GPC5: variants seen among roughly 807,000 people sequenced by gnomAD.
GPC5 encodes the protein glypican 5, also known as glypican-5.
GPC5 carries 47 observed loss-of-function variants against 53.9 expected under a neutral mutation model. The observed-to-expected ratio is 0.87, with a 90% CI of 0.69 to 1.11. GPC5 has a LOEUF of 1.11. Among genes scored for constraint, GPC5 ranks in the 50% most tolerant of loss-of-function variants. The probability of loss-of-function intolerance (pLI) is 0.00; values close to 1 mark genes in which losing one functional copy is unlikely to be tolerated. For missense variants in GPC5, 748 were observed against 713.1 expected (o/e 1.05, Z -0.56); for synonymous variants, 286 against 263.3 (o/e 1.09, Z -0.84).
intron 7 of GPC5, among the ~76,000 whole-genome samples, chr13:92,468,376 T>C (rs1566603513): frequency 6.6e-6 from 1 of 152,132 alleles, no homozygotes; most frequent in Non-Finnish European, 1.5e-5. Context: ...TGTTCTTGGT[T>C]GTTTGGAATG....
At chr13:91,643,325 G>A (rs1218472889) in intron 2 of GPC5, among the ~76,000 whole-genome samples, 1 of 152,104 alleles carries the variant, frequency 6.6e-6, no homozygotes, top group Non-Finnish European at 1.5e-5. Context: ...AGAAGATGTA[G>A]TCAAAGACTA....
chr13:91,408,667 T>A (rs917328790), intron 1 of GPC5, among the ~76,000 whole-genome samples: 2 of 152,188 alleles, frequency 1.3e-5, no homozygotes, highest in Non-Finnish European at 2.9e-5. Context: ...AACTTAAATA[T>A]GTTTCAAATG....
chr13:92,178,948 G>A lies in GPC5; in HGVS notation c.1561+33959G>A, dbSNP rs149710054. On this transcript the variant is annotated intron_variant, in intron 7 of 7. Transcript: ENST00000377067. The stretch of plus-strand genomic sequence containing the variant: ...ATTGCACCTCTGTACTCCAGACTGG[G>A]TGACAGAGCGGGACCCTGTCTCAAA... 1.8e-4 allele frequency among the ~76,000 whole-genome samples: 28 copies of A among 152,242 alleles called. No individual in the cohort carries two copies. The East Asian group carries it at 5.0e-3, about 27-fold the overall frequency.
At chr13:92,753,948 G>A (rs1203960549) in intron 7 of GPC5, among the ~76,000 whole-genome samples, 1 of 151,662 alleles carries the variant, frequency 6.6e-6, no homozygotes. Flanking sequence ...TAGCAAGCAG[G>A]CCAACGTTCA....
At chr13:92,825,027 T>C (rs537026101) in intron 7 of GPC5, among the ~76,000 whole-genome samples, 1 of 152,268 alleles carries the variant, frequency 6.6e-6, no homozygotes, top group South Asian at 2.1e-4. Flanking sequence ...TCAGACAGAC[T>C]GTATAATTTA....
At chr13:91,403,144 G>A (rs977728531) in intron 1 of GPC5, among the ~76,000 whole-genome samples, 1 of 152,204 alleles carries the variant, frequency 6.6e-6, no homozygotes, top group Non-Finnish European at 1.5e-5. Context: ...GTGTTTGTGG[G>A]GATCAAATTT....
At chr13:92,743,403 T>C (rs1403722097) in intron 7 of GPC5, among the ~76,000 whole-genome samples, 1 of 152,164 alleles carries the variant, frequency 6.6e-6, no homozygotes, top group Non-Finnish European at 1.5e-5. Context: ...TATTGGTGTA[T>C]TAGAATGCTT....
At chr13:91,731,581 G>T (rs1421709002) in intron 4 of GPC5, among the ~76,000 whole-genome samples, 2 of 151,952 alleles carry the variant, frequency 1.3e-5, no homozygotes, top group Non-Finnish European at 1.5e-5. Flanking sequence ...TTTGTTAAAT[G>T]GGTGTATGTG....
chr13:92,132,004 A>C (rs2041747953), intron 6 of GPC5, among the ~76,000 whole-genome samples: 1 of 152,142 alleles, frequency 6.6e-6, no homozygotes, highest in African/African-American at 2.4e-5. Flanking sequence ...CATACACTCA[A>C]AACAGTTCAA....
chr13:92,197,573 T>C (rs2139055620), intron 7 of GPC5, among the ~76,000 whole-genome samples: 1 of 152,204 alleles, frequency 6.6e-6, no homozygotes, highest in East Asian at 1.9e-4. Context: ...CCTCAGCTCA[T>C]GGCAGCCTCA....
intron 7 of GPC5, among the ~76,000 whole-genome samples, chr13:92,149,273 C>T (rs375184940): frequency 6.6e-6 from 1 of 152,078 alleles, no homozygotes; most frequent in South Asian, 2.1e-4. Context: ...CTTACTGAAT[C>T]GTAATTATGA....
At chr13:91,521,625 A>T (rs924392766) in intron 2 of GPC5, among the ~76,000 whole-genome samples, 5 of 152,070 alleles carry the variant, frequency 3.3e-5, no homozygotes, top group African/African-American at 1.2e-4. Flanking sequence ...ATTTTTTTCT[A>T]TTCTTTCATT....
At chr13:92,844,375 TG>T (rs1566442239) in intron 7 of GPC5, among the ~76,000 whole-genome samples, 1 of 152,092 alleles carries the variant, frequency 6.6e-6, no homozygotes, top group East Asian at 1.9e-4. Flanking sequence ...AAAACAAGCA[TG>T]GGAATAAACC....
intron 2 of GPC5, among the ~76,000 whole-genome samples, chr13:91,587,204 T>TTA (rs1288139226): frequency 6.6e-6 from 1 of 152,182 alleles, no homozygotes; most frequent in Non-Finnish European, 1.5e-5. Flanking sequence ...TTTAGGCTAT[T>TTA]TATAGTGTTA....
rs1361023384 is a variant in GPC5, at chr13:91,468,879, T to TTC, written c.325+19958_325+19959insCT. ...TTCGTAGCTAAGATAATGGTCTTTT[T>TTC]TTTTTTTTTTTTAAATGAGACAGGG... is the stretch of plus-strand genomic sequence containing the variant. On this transcript the variant is annotated intron_variant, in intron 2 of 7. Coordinates refer to ENST00000377067, the MANE Select transcript of GPC5 (RefSeq NM_004466.6). 4.0e-5 allele frequency among the ~76,000 whole-genome samples: 6 copies of TTC among 151,152 alleles called. No individual in the cohort carries two copies. In the East Asian group the frequency reaches 9.7e-4, roughly 24 times the overall value.
chr13:92,031,891 T>G (rs1303687309), intron 6 of GPC5, among the ~76,000 whole-genome samples: 2 of 98,350 alleles, frequency 2.0e-5, no homozygotes. Flanking sequence ...ATTTTATATA[T>G]TATATTTTAT....
chr13:92,533,503 C>T (rs1272086235), intron 7 of GPC5, among the ~76,000 whole-genome samples: 1 of 151,998 alleles, frequency 6.6e-6, no homozygotes. Context: ...ATGCTGAAAC[C>T]CGTATAATAT....
chr13:91,972,506 A>C (rs901507473), intron 6 of GPC5, among the ~76,000 whole-genome samples: 1 of 151,588 alleles, frequency 6.6e-6, no homozygotes, highest in Admixed American at 6.6e-5. Context: ...TGATCCTGTC[A>C]TTATGATGTT....
intron 7 of GPC5, among the ~76,000 whole-genome samples, chr13:92,691,830 A>T (rs1887410567): frequency 6.6e-6 from 1 of 151,664 alleles, no homozygotes; most frequent in Non-Finnish European, 1.5e-5. Context: ...TTTTTATTAC[A>T]GTTTTACACC....
Sources: gnomAD v4.1 joint callset for allele counts (sites outside exome capture counted in the v4.1 genomes callset) on GRCh38, gnomAD v4.1.1 for gene constraint, MANE v1.5 for transcripts, NCBI Gene and HGNC (gene_info 2026-07-23, HGNC 2026-07-21) for gene names.